Variants in EXD2 observed in about 807,000 individuals in gnomAD.
The protein encoded by EXD2 is exonuclease 3'-5' domain containing 2.
In EXD2, 40 loss-of-function variants were observed where a neutral mutation model predicts 62.5. The ratio of observed to expected loss-of-function variants is 0.64; its 90% CI spans 0.50 to 0.83. The LOEUF (loss-of-function observed/expected upper bound fraction) is 0.83. Ranked by LOEUF, EXD2 falls within the 40% of genes least tolerant of loss-of-function variation. The pLI, the probability that EXD2 is intolerant of heterozygous loss-of-function variation, is 0.00. For missense variants in EXD2, 671 were observed against 761.8 expected (o/e 0.88, Z 1.40); for synonymous variants, 239 against 291.9 (o/e 0.82, Z 1.85).
intron 3 of EXD2, among the ~76,000 whole-genome samples, chr14:69,215,819 CT>C (rs371624293): frequency 9.8e-4 from 137 of 139,618 alleles, no homozygotes; most frequent in Admixed American, 1.2e-3. Flanking sequence ...GCCTCATTTT[CT>C]TTTTTTTTTT....
In EXD2 at chr14:69,237,736, T is replaced by A. The variant is rs1192055592; in HGVS notation, c.1454T>A (p.Ile485Asn). 6.2e-7 allele frequency: 1 copy of A among 1,614,026 alleles called. No individual in the cohort carries two copies. Among genetic ancestry groups the A allele is most frequent in the South Asian group, 1.1e-5 (1 of 91,042 alleles). The change falls in exon 9 of 10, where the codon ATC becomes AAC. Residue 485 changes from isoleucine to asparagine, a missense_variant. Physicochemically the swap from Ile to Asn is moderately radical, Grantham distance 149 (BLOSUM62 -3). Coordinates refer to ENST00000685843, the MANE Select transcript of EXD2 (RefSeq NM_001193360.2). ...QQLAKEFQAP[I>N]GSEEGLRLLE... ...CTGGCCAAGGAGTTCCAGGCCCCCA[T>A]CGGCTCTGAGGAGGGCTTGCGCCTG...
At chr14:69,210,362 A>G (rs2042765889) in intron 3 of EXD2, among the ~76,000 whole-genome samples, 1 of 152,222 alleles carries the variant, frequency 6.6e-6, no homozygotes, top group African/African-American at 2.4e-5. Flanking sequence ...ACTCTAAGCC[A>G]TGTACTATAT....
At chr14:69,216,607 C>T (rs114680119) in intron 3 of EXD2, among the ~76,000 whole-genome samples, 3,393 of 151,918 alleles carry the variant, frequency 0.022, 117 homozygotes, top group African/African-American at 0.078. Flanking sequence ...TTTTCTTATA[C>T]GTTTTAGAAT....
chr14:69,239,803 CGTT>C (rs910130938), intron 9 of EXD2, among the ~76,000 whole-genome samples: 20 of 152,264 alleles, frequency 1.3e-4, no homozygotes, highest in African/African-American at 4.3e-4. Context: ...GGTTTCACCT[CGTT>C]GGTCAGGCTG....
chr14:69,194,059 GT>G (rs545470755), intron 1 of EXD2, among the ~76,000 whole-genome samples: 22 of 151,364 alleles, frequency 1.5e-4, no homozygotes, highest in Admixed American at 9.2e-4. Flanking sequence ...TGTGGGAATA[GT>G]TTTTTTTCTT....
rs1246638155 is a variant in EXD2 at position 69,209,797 on chromosome 14, T to C, written c.327T>C (p.Cys109=). The stretch of plus-strand genomic sequence containing the variant: ...ATTTTCCAGTACTTGGAATTGACTG[T>C]GAGTGGGTAAGTTAAAAAGCAAAAG... ...LEDFPVLGID[C]EWVNLEGKAS... Residue 109 remains cysteine, a synonymous_variant, in exon 3 of 10, where the codon TGT becomes TGC. Coordinates refer to ENST00000685843, the MANE Select transcript of EXD2 (RefSeq NM_001193360.2). 3 of 1,438,172 alleles carry C rather than the reference T, an allele frequency of 2.1e-6. No individual in the cohort carries two copies. The African/African-American group carries it at 4.4e-5, about 21-fold the overall frequency. The allele number at this position is 1,438,172 out of a possible 1,614,324, so 89.1% of individuals were successfully genotyped here.
chr14:69,239,908 A>G (rs1416619315), intron 9 of EXD2, among the ~76,000 whole-genome samples: 3 of 152,178 alleles, frequency 2.0e-5, no homozygotes, highest in African/African-American at 7.2e-5. Context: ...AGCTGCCAAT[A>G]TGTTTTCTAA....
At chr14:69,225,164 C>T (rs1174527083) in intron 3 of EXD2, among the ~76,000 whole-genome samples, 1 of 152,176 alleles carries the variant, frequency 6.6e-6, no homozygotes, top group African/African-American at 2.4e-5. Flanking sequence ...TATCTCAAAA[C>T]CCTGGTCTAA....
intron 5 of EXD2, 125 bp from the exon 6 acceptor site, chr14:69,234,575 T>G: frequency 2.6e-6 from 2 of 766,262 alleles, no homozygotes. Context: ...AAGTGTATGG[T>G]GCCCAGGTTG....
At chr14:69,195,490 C>T (rs749082022) in intron 1 of EXD2, among the ~76,000 whole-genome samples, 4 of 152,202 alleles carry the variant, frequency 2.6e-5, no homozygotes, top group East Asian at 3.9e-4. Flanking sequence ...AACCACCACA[C>T]GCAGCTCCAA....
chr14:69,243,675 G>A lies in EXD2; in HGVS notation c.*2575G>A, dbSNP rs1344859047. On this transcript the variant is annotated 3_prime_UTR_variant, in exon 10 of 10. Coordinates refer to ENST00000685843, the MANE Select transcript of EXD2 (RefSeq NM_001193360.2). ...GTAATTTCTTAAGAATGGAATCTTAGAATTGGACTGTGAAGAGGGGGATTC... is the reference window on the plus strand; with the variant it reads ...GTAATTTCTTAAGAATGGAATCTTAAAATTGGACTGTGAAGAGGGGGATTC... 1 of 152,190 alleles carries A rather than the reference G, an allele frequency of 6.6e-6. No homozygotes were observed. Among genetic ancestry groups the A allele is most frequent in the Non-Finnish European group, 1.5e-5 (1 of 68,040 alleles). 9.4% of individuals were successfully genotyped at this position (152,190 alleles called of 1,614,324 possible).
chr14:69,214,880 C>T (rs553596701), intron 3 of EXD2, among the ~76,000 whole-genome samples: 1 of 151,930 alleles, frequency 6.6e-6, no homozygotes, highest in African/African-American at 2.4e-5. Context: ...TGAGATTTAC[C>T]TGTGTTGGGT....
chr14:69,228,918 A>G lies in EXD2; in HGVS notation c.436A>G (p.Lys146Glu). 1 of 1,614,182 alleles carries G rather than the reference A, an allele frequency of 6.2e-7. No individual in the cohort carries two copies. Among genetic ancestry groups the G allele is most frequent in the Non-Finnish European group, 8.5e-7 (1 of 1,180,020 alleles). Residue 146 changes from lysine to glutamate, a missense_variant, in exon 4 of 10, where the codon AAA (lysine) becomes GAA (glutamate). Lys to Glu is a moderately conservative substitution (Grantham distance 56). Transcript: ENST00000685843. The part of the protein sequence containing the change: ...VRLPKLICGG[K>E]TLPRTLLDIL... ...CCTGCCCAAGCTAATCTGTGGAGGAAAAACACTACCAAGAACGTTATTGGA... is the reference window on the plus strand; with the variant it reads ...CCTGCCCAAGCTAATCTGTGGAGGAGAAACACTACCAAGAACGTTATTGGA...
chr14:69,198,320 GTGGTT>G (rs2140188442), intron 1 of EXD2, among the ~76,000 whole-genome samples: 1 of 152,320 alleles, frequency 6.6e-6, no homozygotes, highest in Non-Finnish European at 1.5e-5. Context: ...TTCAGGAGCT[GTGGTT>G]CTTTTTCATT....
At chr14:69,234,572 TG>T in intron 5 of EXD2, 127 bp from the exon 6 acceptor site, 1 of 744,166 alleles carries the variant, frequency 1.3e-6, no homozygotes, top group Non-Finnish European at 2.2e-6. Context: ...AGGAAGTGTA[TG>T]GTGCCCAGGT....
Position 69,191,579 on chromosome 14 carries a change from T to C in EXD2, c.-144T>C, listed in dbSNP as rs1309831335. ...AGCCCGCTGCAGGTGTGCGGCCCAG[T>C]CCGAGACAGCAGGTAAGTGAGGCTC... On this transcript the variant is annotated 5_prime_UTR_variant, in exon 1 of 10. Transcript: ENST00000685843. 6.6e-6 allele frequency: 1 copy of C among 152,558 alleles called. No homozygotes were observed. Among genetic ancestry groups the C allele is most frequent in the Non-Finnish European group, 1.5e-5 (1 of 68,362 alleles). 9.5% of individuals were successfully genotyped at this position (152,558 alleles called of 1,614,324 possible). A position where few individuals can be genotyped will look rare whatever the true frequency, so the allele number is the denominator to read the frequency against.
chr14:69,208,320 C>T (rs544831230), intron 2 of EXD2, among the ~76,000 whole-genome samples: 1 of 150,414 alleles, frequency 6.6e-6, no homozygotes, highest in East Asian at 2.0e-4. Flanking sequence ...ATACCATTCT[C>T]CTGCCTCAGC....
intron 3 of EXD2, among the ~76,000 whole-genome samples, chr14:69,223,176 T>G (rs1245896623): frequency 6.6e-6 from 1 of 152,226 alleles, no homozygotes; most frequent in Non-Finnish European, 1.5e-5. Flanking sequence ...TTTCCATTCT[T>G]TTCCTGTATT....
At chr14:69,220,277 T>C (rs2043135179) in intron 3 of EXD2, among the ~76,000 whole-genome samples, 1 of 109,168 alleles carries the variant, frequency 9.2e-6, no homozygotes, top group African/African-American at 3.6e-5. Flanking sequence ...TTTTTTTTTT[T>C]TTTTTTTTTT....
Sources: allele counts gnomAD v4.1 joint callset (sites outside exome capture counted in the v4.1 genomes callset), GRCh38; gene constraint gnomAD v4.1.1; transcripts MANE v1.5; gene names NCBI Gene and HGNC (gene_info 2026-07-23, HGNC 2026-07-21).